The following VWA2 variants were observed in gnomAD, a reference collection of about 807,000 sequenced individuals.
VWA2 encodes von Willebrand factor A domain-containing protein 2.
Under a neutral mutation model 70.4 loss-of-function variants are expected in VWA2, and 73 were observed. The ratio of observed to expected loss-of-function variants is 1.04; its 90% CI spans 0.86 to 1.26. VWA2 has a LOEUF of 1.26. Among genes scored for constraint, VWA2 ranks in the 50% most tolerant of loss-of-function variants. The pLI, the probability that VWA2 is intolerant of heterozygous loss-of-function variation, is 0.00. For synonymous variants in VWA2, 407 were observed against 423.3 expected (o/e 0.96, Z 0.47); for missense variants, 1,011 against 998.5 (o/e 1.01, Z -0.17).
intron 8 of VWA2, chr10:114,281,014 C>T (rs4918894): frequency 0.52 from 78,392 of 152,064 alleles, 21,125 homozygotes; most frequent in East Asian, 0.68. Flanking sequence ...GGATTACAGG[C>T]GTGAGCTACC....
intron 5 of VWA2, among the ~76,000 whole-genome samples, chr10:114,271,608 A>ACACACACACACAC (rs2037711035): frequency 4.8e-5 from 7 of 144,698 alleles, no homozygotes; most frequent in African/African-American, 1.8e-4. Context: ...GAGAAGTAAA[A>ACACACACACACAC]ACACACACAC....
At chr10:114,270,662 C>T (rs1281423295) in intron 5 of VWA2, among the ~76,000 whole-genome samples, 1 of 152,190 alleles carries the variant, frequency 6.6e-6, no homozygotes, top group Non-Finnish European at 1.5e-5. Flanking sequence ...TTTTTAAACA[C>T]AAGAGCTCTT....
chr10:114,282,637 G>A, intron 9 of VWA2, 66 bp downstream of exon 9: 1 of 1,433,456 alleles, frequency 7.0e-7, no homozygotes, highest in Non-Finnish European at 9.8e-7. Flanking sequence ...TTTGTAAAGT[G>A]GCTTTTACAA....
At chr10:114,250,224 C>T (rs889603236) in intron 2 of VWA2, among the ~76,000 whole-genome samples, 9 of 152,216 alleles carry the variant, frequency 5.9e-5, no homozygotes, top group African/African-American at 2.2e-4. Flanking sequence ...AGAGACTGTA[C>T]ATTCTTTAAC....
At chr10:114,253,533 C>G (rs1196356736) in intron 2 of VWA2, 118 bp from the exon 3 acceptor site, 1 of 834,976 alleles carries the variant, frequency 1.2e-6, no homozygotes, top group Non-Finnish European at 1.9e-6. Context: ...AGAATCATCA[C>G]TCCCCCACAT....
chr10:114,246,013 C>T, intron 1 of VWA2: 1 of 593,348 alleles, frequency 1.7e-6, no homozygotes, highest in Non-Finnish European at 3.3e-6. Context: ...GTGGTCAGTA[C>T]ATGCTCCATC....
rs1473133450 is a variant in VWA2 at position 114,285,874 on chromosome 10, G to A, written c.998-65G>A. 4.1e-6 allele frequency: 6 copies of A among 1,470,914 alleles called. No individual in the cohort carries two copies. In the East Asian group the frequency reaches 1.2e-4, roughly 29 times the overall value. The allele number at this position is 1,470,914 out of a possible 1,614,324, so 91.1% of individuals were successfully genotyped here. ...CCTCCTGGGAGATGTTCGGCATCTC[G>A]GGTGGGACAGCTCGCATGCCGCATG... On this transcript the variant is annotated intron_variant, in intron 10 of 13. Coordinates refer to ENST00000392982, the MANE Select transcript of VWA2 (RefSeq NM_001272046.2).
chr10:114,254,998 A>G lies in VWA2; in HGVS notation c.211A>G (p.Lys71Glu), dbSNP rs954482378. The change falls in exon 4 of 14, where the codon AAG (lysine) becomes GAG (glutamate). Residue 71 changes from lysine to glutamate, a missense_variant. Transcript: ENST00000392982. ...SVGKGSFERS[K>E]HFAITVCDGL... Reference sequence around the variant, plus strand: ...CGGGAAAGGGAGCTTTGAAAGGTCCAAGCACTTTGCCATCACAGTCTGTGA... The same window carrying G: ...CGGGAAAGGGAGCTTTGAAAGGTCCGAGCACTTTGCCATCACAGTCTGTGA... 7.4e-6 allele frequency: 12 copies of G among 1,612,992 alleles called. No individual in the cohort carries two copies. Among genetic ancestry groups the G allele is most frequent in the Non-Finnish European group, 9.3e-6 (11 of 1,179,960 alleles).
chr10:114,250,315 A>T (rs2037168885), intron 2 of VWA2, among the ~76,000 whole-genome samples: 1 of 152,238 alleles, frequency 6.6e-6, no homozygotes, highest in African/African-American at 2.4e-5. Flanking sequence ...TGAATAAATA[A>T]TGGAGCAAAT....
rs2039805778 is a variant in VWA2 at position 114,293,637 on chromosome 10, A to C, written c.*2400A>C. Among the ~76,000 whole-genome samples, 3 of 152,214 alleles carry C rather than the reference A, an allele frequency of 2.0e-5. No individual in the cohort carries two copies. The highest frequency in any genetic ancestry group is 2.0e-4 in the Admixed American group (3 of 15,278). The stretch of plus-strand genomic sequence containing the variant: ...AATTTTTACCTTTAATTACTTATTC[A>C]AATAAGACAGAAATATATTTTCCTT... On this transcript the variant is annotated 3_prime_UTR_variant, in exon 14 of 14. Coordinates refer to ENST00000392982, the MANE Select transcript of VWA2 (RefSeq NM_001272046.2).
At chr10:114,270,304 C>T (rs925367451) in intron 5 of VWA2, among the ~76,000 whole-genome samples, 10 of 152,188 alleles carry the variant, frequency 6.6e-5, no homozygotes, top group Admixed American at 2.0e-4. Context: ...CACTCATGAG[C>T]GGCATAACCT....
intron 6 of VWA2, among the ~76,000 whole-genome samples, chr10:114,274,425 C>G (rs2037776970): frequency 6.6e-6 from 1 of 152,168 alleles, no homozygotes; most frequent in South Asian, 2.1e-4. Context: ...CAAAAGAGAT[C>G]ATGGTGGCTC....
At chr10:114,269,126 G>A (rs1368060277) in intron 5 of VWA2, among the ~76,000 whole-genome samples, 2 of 152,244 alleles carry the variant, frequency 1.3e-5, no homozygotes, top group African/African-American at 4.8e-5. Flanking sequence ...GGGTGCTGAG[G>A]TAGAGAGGGT....
intron 3 of VWA2, 74 bp from the exon 4 acceptor site, chr10:114,254,837 CTGTT>C: frequency 6.4e-7 from 1 of 1,569,206 alleles, no homozygotes; most frequent in African/African-American, 1.3e-5. Context: ...CACCACAAGG[CTGTT>C]TGTGCCTTCA....
At chr10:114,283,148 G>A (rs1401358638) in intron 9 of VWA2, among the ~76,000 whole-genome samples, 1 of 152,214 alleles carries the variant, frequency 6.6e-6, no homozygotes, top group East Asian at 1.9e-4. Context: ...CCACTGACCT[G>A]GGAGCTTGAA....
At chr10:114,280,234 A>G (rs1328353995) in intron 8 of VWA2, among the ~76,000 whole-genome samples, 3 of 152,206 alleles carry the variant, frequency 2.0e-5, no homozygotes, top group Non-Finnish European at 2.9e-5. Context: ...CTCAAGAAAT[A>G]CCCACTGAGG....
At chr10:114,291,135 C>T (rs2039555804) in intron 13 of VWA2, 83 bp from the exon 14 acceptor site, 3 of 1,502,024 alleles carry the variant, frequency 2.0e-6, no homozygotes, top group Non-Finnish European at 2.7e-6. Flanking sequence ...AAGAGCAGGA[C>T]CTGAAGGGGT....
chr10:114,289,687 A>G (rs1171584192), intron 12 of VWA2, 198 bp downstream of exon 12: 4 of 625,672 alleles, frequency 6.4e-6, no homozygotes, highest in Non-Finnish European at 1.1e-5. Flanking sequence ...CATTTAAGGT[A>G]CAGAAAGTTT....
At chr10:114,247,428 G>A (rs1178075846) in intron 1 of VWA2, among the ~76,000 whole-genome samples, 1 of 152,078 alleles carries the variant, frequency 6.6e-6, no homozygotes, top group Admixed American at 6.5e-5. Context: ...CTCCTGAGTA[G>A]CTGGAATTAT....
Sources: gnomAD v4.1 joint callset for allele counts (sites outside exome capture counted in the v4.1 genomes callset) on GRCh38, gnomAD v4.1.1 for gene constraint, MANE v1.5 for transcripts, NCBI Gene and HGNC (gene_info 2026-07-23, HGNC 2026-07-21) for gene names.